TXNRD2: variants seen among roughly 807,000 people sequenced by gnomAD.
TXNRD2 encodes the protein thioredoxin reductase 2, mitochondrial.
TXNRD2 carries 67 observed loss-of-function variants against 70.8 expected under a neutral mutation model. The observed-to-expected ratio is 0.95, with a 90% confidence interval of 0.78 to 1.16. The LOEUF (loss-of-function observed/expected upper bound fraction) is 1.16. Ranked by LOEUF, TXNRD2 falls within the 50% of genes most tolerant of loss-of-function variation. The pLI is 0.00. For synonymous variants in TXNRD2, 301 were observed against 295.8 expected (o/e 1.02, Z -0.18); for missense variants, 644 against 719.9 (o/e 0.89, Z 1.21).
rs542653467 is a variant in TXNRD2, at chr22:19,923,377, G to T, written c.173-3778C>A. ...TTCTCCAAACCTCTGTTCAGAAGGG[G>T]CTGCGATGCTCCCAGTAGGAAGTCT... On this transcript the variant is annotated intron_variant, in intron 2 of 17. Coordinates refer to ENST00000400521, the MANE Select transcript of TXNRD2 (RefSeq NM_006440.5). Among the ~76,000 whole-genome samples the T allele has an allele frequency of 2.0e-5, 3 of 152,226 alleles. No individual in the cohort carries two copies. The South Asian group carries it at 6.2e-4, about 32-fold the overall frequency.
At chr22:19,939,076 T>G (rs1941618640) in intron 1 of TXNRD2, among the ~76,000 whole-genome samples, 1 of 152,202 alleles carries the variant, frequency 6.6e-6, no homozygotes, top group Non-Finnish European at 1.5e-5. Context: ...AGGGTATGCT[T>G]GTGTTTTACC....
chr22:19,895,713 GC>G, intron 10 of TXNRD2, 132 bp from the exon 11 acceptor site: 1 of 1,006,156 alleles, frequency 9.9e-7, no homozygotes, highest in South Asian at 1.4e-5. Flanking sequence ...GAGACACCCT[GC>G]CCCCTGCTCT....
At chr22:19,903,027 T>C (rs757870691) in intron 8 of TXNRD2, 1 of 518,654 alleles carries the variant, frequency 1.9e-6, no homozygotes, top group East Asian at 5.5e-5. Flanking sequence ...ATAAAAACAC[T>C]CTGCCTCTTG....
At chr22:19,930,747 G>A (rs149372916) in intron 2 of TXNRD2, among the ~76,000 whole-genome samples, 1 of 152,322 alleles carries the variant, frequency 6.6e-6, no homozygotes, top group East Asian at 1.9e-4. Flanking sequence ...TGTGAGTGGT[G>A]GGAGCTGAGA....
chr22:19,925,233 G>A (rs1414920311), intron 2 of TXNRD2, among the ~76,000 whole-genome samples: 1 of 151,846 alleles, frequency 6.6e-6, no homozygotes, highest in African/African-American at 2.4e-5. Context: ...GCAGTGAGCT[G>A]AGATCGCACC....
intron 2 of TXNRD2, among the ~76,000 whole-genome samples, chr22:19,927,331 T>C (rs17210001): frequency 0.084 from 12,702 of 151,724 alleles, 973 homozygotes; most frequent in East Asian, 0.32. Context: ...TATCAGCAAG[T>C]TCCAAATCTG....
In TXNRD2 at chr22:19,940,244, C is replaced by CAAAAAAAA. The variant is rs141013808; in HGVS notation, c.103+1449_103+1456dup. Among the ~76,000 whole-genome samples, 21 of 68,482 alleles carry CAAAAAAAA rather than the reference C, an allele frequency of 3.1e-4. No individual in the cohort carries two copies. In the East Asian group the frequency reaches 3.4e-3, roughly 11 times the overall value. The allele number at this position is 68,482 out of a possible 152,430, so 44.9% of individuals were successfully genotyped here. On this transcript the variant is annotated intron_variant, in intron 1 of 17. Transcript: ENST00000400521. The stretch of plus-strand genomic sequence containing the variant: ...TGGGCGACAGAGCAAGACACTGTCT[C>CAAAAAAAA]AAAAAAAAAAAAAAAAAAAAAACCC...
At chr22:19,896,767 T>C (rs1939525558) in intron 10 of TXNRD2, among the ~76,000 whole-genome samples, 2 of 152,198 alleles carry the variant, frequency 1.3e-5, no homozygotes, top group Non-Finnish European at 2.9e-5. Context: ...CTGACACCTG[T>C]GCGGGTGTGC....
In TXNRD2 at chr22:19,915,205, G is replaced by A. The variant is rs765307579; in HGVS notation, c.591+9C>T. ...GGCAGCAGGGACGCTATGCTCTGGG[G>A]ACACTCACGTGCGTGGGGTATCTCG... On this transcript the variant is annotated intron_variant, in intron 7 of 17. Coordinates refer to ENST00000400521, the MANE Select transcript of TXNRD2 (RefSeq NM_006440.5). The A allele has an allele frequency of 1.2e-6, 2 of 1,613,492 alleles. No homozygotes were observed. Among genetic ancestry groups the A allele is most frequent in the South Asian group, 2.2e-5 (2 of 90,874 alleles).
At chr22:19,894,620 CCT>C (rs1939410967) in intron 11 of TXNRD2, 1 of 180,538 alleles carries the variant, frequency 5.5e-6, no homozygotes, top group African/African-American at 2.4e-5. Flanking sequence ...AGAGAGAGAC[CCT>C]GTTTCACACG....
At position 19,931,022 on chromosome 22, in the gene TXNRD2, A is replaced by AT; in HGVS notation, c.172+7dup. 1 of 1,613,062 alleles carries AT rather than the reference A, an allele frequency of 6.2e-7. No individual in the cohort carries two copies. Among genetic ancestry groups the AT allele is most frequent in the Non-Finnish European group, 8.5e-7 (1 of 1,179,502 alleles). On this transcript the variant is annotated splice_region_variant and intron_variant, in intron 2 of 17. Transcript: ENST00000400521. ...GAGGCCTTGCCACGAAGTATACAGA[A>AT]TACATACCCTCCTTGGCACAAGCCA...
chr22:19,918,759 G>A lies in TXNRD2; in HGVS notation c.374+101C>T, dbSNP rs530343482. 3.5e-5 allele frequency: 51 copies of A among 1,448,882 alleles called. 1 individual carries two copies. In the East Asian group the frequency reaches 8.2e-4, roughly 23 times the overall value. The allele number at this position is 1,448,882 out of a possible 1,614,324, so 89.8% of individuals were successfully genotyped here. A position where few individuals can be genotyped will look rare whatever the true frequency, so the allele number is the denominator to read the frequency against. On this transcript the variant is annotated intron_variant, in intron 4 of 17. Transcript: ENST00000400521. ...CCCCTGGCTGAGAAACCCATCCTAC[G>A]GCCCACTCCCCATGAGGGCTCATCG...
chr22:19,903,040 G>GCCCCA, intron 8 of TXNRD2: 1 of 518,700 alleles, frequency 1.9e-6, no homozygotes, highest in South Asian at 1.4e-5. Flanking sequence ...GCCTCTTGGA[G>GCCCCA]CCCCAGGAGT....
chr22:19,895,276 T>C (rs1252011452), intron 11 of TXNRD2, 131 bp downstream of exon 11: 2 of 1,594,328 alleles, frequency 1.3e-6, no homozygotes, highest in African/African-American at 2.7e-5. Flanking sequence ...CGAGGTGCAC[T>C]GGGGAGCGGC....
At chr22:19,909,002 T>A (rs946115037) in intron 8 of TXNRD2, among the ~76,000 whole-genome samples, 8 of 152,150 alleles carry the variant, frequency 5.3e-5, no homozygotes, top group Middle Eastern at 6.8e-3. Context: ...GTCAGGAGTT[T>A]GAGACCAGCC....
chr22:19,938,031 T>TTGTC (rs1453156352), intron 1 of TXNRD2: 1 of 152,242 alleles, frequency 6.6e-6, no homozygotes, highest in Admixed American at 6.6e-5. Context: ...AGTACAATGC[T>TTGTC]TGTCTACCTC....
chr22:19,909,811 TCA>T (rs1188295370), intron 8 of TXNRD2, among the ~76,000 whole-genome samples: 1,333 of 29,220 alleles, frequency 0.046, 48 homozygotes, highest in South Asian at 0.089. Context: ...CACACACCAC[TCA>T]CACACACACC....
rs973459997 is a variant in TXNRD2 at position 19,933,509 on chromosome 22, A to G, written c.104-2411T>C. 20 of 1,289,204 alleles carry G rather than the reference A, an allele frequency of 1.6e-5. No individual in the cohort carries two copies. The African/African-American group carries it at 2.7e-4, about 18-fold the overall frequency. The allele number at this position is 1,289,204 out of a possible 1,614,324, so 79.9% of individuals were successfully genotyped here. ...AGGTCATCCTGCCCTGCAGCCTCGC[A>G]CTGTGCCCCCTCTGTCTGCTATCAG... On this transcript the variant is annotated intron_variant, in intron 1 of 17. Transcript: ENST00000400521.
At chr22:19,926,978 T>C (rs927660939) in intron 2 of TXNRD2, among the ~76,000 whole-genome samples, 2 of 150,112 alleles carry the variant, frequency 1.3e-5, no homozygotes, top group Non-Finnish European at 3.0e-5. Flanking sequence ...GGTCCACTCA[T>C]ACATGGATTT....
Sources: allele counts gnomAD v4.1 joint callset (sites outside exome capture counted in the v4.1 genomes callset), GRCh38; gene constraint gnomAD v4.1.1; transcripts MANE v1.5; gene names NCBI Gene and HGNC (gene_info 2026-07-23, HGNC 2026-07-21).